ATP6V1C2: variants seen among roughly 807,000 people sequenced by gnomAD.
ATP6V1C2 encodes ATPase H+ transporting V1 subunit C2.
Under a neutral mutation model 56.8 loss-of-function variants are expected in ATP6V1C2, and 45 were observed. The observed-to-expected ratio is 0.79, with a 90% CI of 0.62 to 1.02. The LOEUF (loss-of-function observed/expected upper bound fraction) is 1.02, where lower values mean the gene tolerates loss of function less well. Among genes scored for constraint, ATP6V1C2 ranks in the 50% least tolerant of loss-of-function variants. ATP6V1C2 has a pLI of 0.00. For missense variants in ATP6V1C2, 463 were observed against 519.7 expected (o/e 0.89, Z 1.06); for synonymous variants, 220 against 201.3 (o/e 1.09, Z -0.79).
intron 3 of ATP6V1C2, 36 bp downstream of exon 3, chr2:10,726,605 A>C (rs376785108): frequency 6.4e-7 from 1 of 1,557,250 alleles, no homozygotes; most frequent in Non-Finnish European, 8.9e-7. Flanking sequence ...ACAAGTGAGA[A>C]TTTGACATTG....
chr2:10,723,035 AG>A, intron 2 of ATP6V1C2, 57 bp downstream of exon 2: 3 of 1,597,178 alleles, frequency 1.9e-6, no homozygotes, highest in South Asian at 2.3e-5. Context: ...GAGACAGGAG[AG>A]GGAGACAGGT....
intron 8 of ATP6V1C2, 142 bp downstream of exon 8, chr2:10,772,752 A>T (rs1234937401): frequency 1.3e-6 from 1 of 756,468 alleles, no homozygotes; most frequent in African/African-American, 1.7e-5. Flanking sequence ...CTTGGCCTGG[A>T]ATTCTGTCAG....
intron 3 of ATP6V1C2, among the ~76,000 whole-genome samples, chr2:10,732,749 G>A (rs1039534616): frequency 2.0e-5 from 3 of 151,764 alleles, no homozygotes; most frequent in African/African-American, 7.3e-5. Flanking sequence ...GAGGCGGGTG[G>A]ATCATGAGGT....
At chr2:10,748,872 G>A (rs574362683) in intron 3 of ATP6V1C2, among the ~76,000 whole-genome samples, 4 of 152,030 alleles carry the variant, frequency 2.6e-5, no homozygotes, top group African/African-American at 7.2e-5. Context: ...GCACATGCCT[G>A]TAATCCCAGC....
chr2:10,777,347 C>T (rs767007233), intron 10 of ATP6V1C2, among the ~76,000 whole-genome samples: 6 of 152,150 alleles, frequency 3.9e-5, no homozygotes, highest in Non-Finnish European at 5.9e-5. Flanking sequence ...TGCCAGAGAT[C>T]GGCTCTGTGC....
At position 10,738,912 on chromosome 2, in the gene ATP6V1C2, G is replaced by C. The variant is rs112896873; in HGVS notation, c.197+12343G>C. On this transcript the variant is annotated intron_variant, in intron 3 of 13. Transcript: ENST00000272238. ...GGGCTCCACCTCCAAAATCTGTCCC[G>C]TATCCACCCACTTCTCAGCACGTCC... Among the ~76,000 whole-genome samples, 1,147 of 152,220 alleles carry C rather than the reference G, an allele frequency of 7.5e-3. 17 individuals are homozygous for C. The highest frequency in any genetic ancestry group is 0.025 in the African/African-American group (1,020 of 41,538).
chr2:10,779,687 G>GAAAAAAAAAAA (rs555256673), intron 12 of ATP6V1C2, among the ~76,000 whole-genome samples: 4 of 52,102 alleles, frequency 7.7e-5, no homozygotes, highest in African/African-American at 3.2e-4. Context: ...TCCGGCTATA[G>GAAAAAAAAAAA]AAAAAAAAAA....
chr2:10,777,689 C>G lies in ATP6V1C2; in HGVS notation c.930C>G (p.Thr310=), dbSNP rs200356976. Residue 310 remains threonine (T), a synonymous_variant, in exon 11 of 14, where the codon ACC becomes ACG. Transcript: ENST00000272238. Reference sequence around the variant, plus strand: ...CTGATAGGCCTGCTGCGGGGCAGACCGACAGAGAGAGAGAGAGTGAGGGCG... The same window carrying G: ...CTGATAGGCCTGCTGCGGGGCAGACGGACAGAGAGAGAGAGAGTGAGGGCG... ...GNPDRPAAGQ[T]DRERESEGEG... 1.6e-4 allele frequency: 261 copies of G among 1,613,828 alleles called. No homozygotes were observed. The highest frequency in any genetic ancestry group is 1.2e-3 in the Middle Eastern group (7 of 6,058).
Position 10,782,265 on chromosome 2 carries a change from C to T in ATP6V1C2, c.1084C>T (p.Gln362Ter), listed in dbSNP as rs1166012569. ...AAGGTATGGACTACCAGTGAACTTC[C>T]AGGCAGTGCTCCTGCAGCCGCATAA... ...VLRYGLPVNFQAVLLQPHKKS... is the reference protein window; with the variant it reads ...VLRYGLPVNF Residue 362 changes from glutamine (Q) to a stop codon, truncating the protein, a stop_gained, in exon 13 of 14, where the codon CAG becomes TAG. Coordinates refer to ENST00000272238, the MANE Select transcript of ATP6V1C2 (RefSeq NM_001039362.2). LOFTEE classifies it high-confidence loss of function. The T allele has an allele frequency of 2.5e-6, 4 of 1,614,152 alleles. No individual in the cohort carries two copies. Among genetic ancestry groups the T allele is most frequent in the Admixed American group, 1.7e-5 (1 of 60,000 alleles).
Position 10,771,895 on chromosome 2 carries a change from TG to T in ATP6V1C2, c.529del (p.Asp177IlefsTer50). The T allele has an allele frequency of 6.2e-7, 1 of 1,614,190 alleles. No homozygotes were observed. Among genetic ancestry groups the T allele is most frequent in the Non-Finnish European group, 8.5e-7 (1 of 1,180,016 alleles). On this transcript the variant is annotated frameshift_variant, in exon 7 of 14. Transcript: ENST00000272238. LOFTEE classifies it high-confidence loss of function. ...ATTGTGAGCAAAGAGGACTTCGTGC[TG>T]GATTCTGAATATCTCGTCACACTTC... Reference protein sequence around the residue: ...SDIVSKEDFVLDSEYLVTLLV... With the variant: ...SDIVSKEDFVXDSEYLVTLLV...
chr2:10,781,158 G>A (rs557178674), intron 12 of ATP6V1C2, among the ~76,000 whole-genome samples: 97 of 152,254 alleles, frequency 6.4e-4, no homozygotes, highest in Middle Eastern at 3.4e-3. Flanking sequence ...GGGCTGGAGC[G>A]TATGTCCCTT....
chr2:10,756,786 C>G (rs531137488), intron 4 of ATP6V1C2, among the ~76,000 whole-genome samples: 1 of 152,138 alleles, frequency 6.6e-6, no homozygotes, highest in Non-Finnish European at 1.5e-5. Context: ...TTGCGATAGC[C>G]TAGGTGTGTA....
chr2:10,779,705 A>C (rs1287833073), intron 12 of ATP6V1C2, among the ~76,000 whole-genome samples: 1 of 150,668 alleles, frequency 6.6e-6, no homozygotes, highest in Non-Finnish European at 1.5e-5. Context: ...AAAAAAAAAA[A>C]AACTTCACTG....
In ATP6V1C2 at chr2:10,777,653, G is replaced by A. The variant is rs940650497; in HGVS notation, c.894G>A (p.Pro298=). 8.1e-6 allele frequency: 13 copies of A among 1,614,140 alleles called. No individual in the cohort carries two copies. Among genetic ancestry groups the A allele is most frequent in the African/African-American group, 1.3e-5 (1 of 75,054 alleles). ...CGGACCACAAGGTTAAGGTAACCCC[G>A]CTAGGTAACCCTGATAGGCCTGCTG... is the stretch of plus-strand genomic sequence containing the variant. The part of the protein sequence containing the change: ...TFPDHKVKVT[P]LGNPDRPAAG... Residue 298 remains proline, a synonymous_variant, in exon 11 of 14, where the codon CCG becomes CCA. Coordinates refer to ENST00000272238, the MANE Select transcript of ATP6V1C2 (RefSeq NM_001039362.2).
chr2:10,757,906 G>C (rs1558407837), intron 4 of ATP6V1C2, among the ~76,000 whole-genome samples: 2 of 152,212 alleles, frequency 1.3e-5, no homozygotes, highest in African/African-American at 4.8e-5. Flanking sequence ...CAGTCCCGGT[G>C]CCCAAACAGG....
chr2:10,725,638 G>A (rs1464901259), intron 2 of ATP6V1C2, among the ~76,000 whole-genome samples: 1 of 151,012 alleles, frequency 6.6e-6, no homozygotes, highest in African/African-American at 2.4e-5. Flanking sequence ...TGGATTACGG[G>A]CACATGCCAC....
Position 10,772,611 on chromosome 2 carries a change from G to GT in ATP6V1C2, c.638+2dup. On this transcript the variant is annotated splice_donor_variant, in intron 8 of 13. Transcript: ENST00000272238. LOFTEE classifies it high-confidence loss of function. ...ACATGGTGGTCCCTCGATCAACCAA[G>GT]TAAGTGAGACCCCAGCTTGGTCCCA... 1 of 1,613,616 alleles carries GT rather than the reference G, an allele frequency of 6.2e-7. No individual in the cohort carries two copies. Among genetic ancestry groups the GT allele is most frequent in the Admixed American group, 1.7e-5 (1 of 60,024 alleles).
intron 2 of ATP6V1C2, among the ~76,000 whole-genome samples, chr2:10,725,028 G>A (rs558229840): frequency 6.6e-6 from 1 of 151,408 alleles, no homozygotes; most frequent in South Asian, 2.1e-4. Flanking sequence ...ACATCTAGTT[G>A]GTGGTACCAC....
At chr2:10,774,728 GC>G in intron 8 of ATP6V1C2, 59 bp from the exon 9 acceptor site, 18 of 1,504,734 alleles carry the variant, frequency 1.2e-5, no homozygotes, top group Non-Finnish European at 1.7e-5. Context: ...GGGCCTCTGA[GC>G]CCCACTCCCG....
Sources: allele counts gnomAD v4.1 joint callset (sites outside exome capture counted in the v4.1 genomes callset), GRCh38; gene constraint gnomAD v4.1.1; transcripts MANE v1.5; gene names NCBI Gene and HGNC (gene_info 2026-07-23, HGNC 2026-07-21).